CCNJL: variants seen among roughly 807,000 people sequenced by gnomAD.
The protein encoded by CCNJL is cyclin-J-like protein.
A neutral mutation model predicts 33.4 loss-of-function variants in CCNJL; 33 were observed. The observed-to-expected ratio is 0.99, with a 90% CI of 0.75 to 1.32. CCNJL has a LOEUF of 1.32. Ranked by LOEUF, CCNJL falls within the 40% of genes most tolerant of loss-of-function variation. CCNJL has a pLI of 0.00. For missense variants in CCNJL, 512 were observed against 499.7 expected, an observed-to-expected ratio of 1.02 and a Z score of -0.23; for synonymous variants, 227 against 220.9, an observed-to-expected ratio of 1.03 and a Z score of -0.24.
intron 2 of CCNJL, among the ~76,000 whole-genome samples, chr5:160,306,479 G>A (rs779206179): frequency 6.6e-6 from 1 of 152,102 alleles, no homozygotes; most frequent in Non-Finnish European, 1.5e-5. Flanking sequence ...GAAGGAGGGA[G>A]CCCCTAGCCC....
rs1185545915 is a variant in CCNJL, at chr5:160,295,676, C to T, written c.67-14938G>A. On this transcript the variant is annotated intron_variant, in intron 2 of 5. Coordinates refer to ENST00000257536, the MANE Select transcript of CCNJL (RefSeq NM_001308173.3). ...GGAGAAGGCCTTGTGAAGATGGAGG[C>T]AGAAACTGGAATGATGCAGCTACAA... 2.0e-5 allele frequency among the ~76,000 whole-genome samples: 3 copies of T among 151,978 alleles called. 1 individual carries two copies. Among genetic ancestry groups the T allele is most frequent in the Non-Finnish European group, 4.4e-5 (3 of 67,990 alleles).
intron 1 of CCNJL, among the ~76,000 whole-genome samples, chr5:160,320,094 G>A (rs1446507653): frequency 6.6e-6 from 1 of 152,088 alleles, no homozygotes; most frequent in Non-Finnish European, 1.5e-5. Flanking sequence ...GGCCACTTAT[G>A]CTTTTTGGAC....
chr5:160,339,382 C>T (rs1377839137), intron 1 of CCNJL: 22 of 276,724 alleles, frequency 8.0e-5, no homozygotes, highest in Admixed American at 2.8e-4. Context: ...CAAAAAAAAA[C>T]GCCAAAACCC....
At chr5:160,328,764 C>A (rs1204485723) in intron 1 of CCNJL, among the ~76,000 whole-genome samples, 1 of 151,346 alleles carries the variant, frequency 6.6e-6, no homozygotes, top group Non-Finnish European at 1.5e-5. Context: ...CCTGTAGTCC[C>A]AGCTACTCAG....
chr5:160,306,023 C>T (rs1006142782), intron 2 of CCNJL, among the ~76,000 whole-genome samples: 2 of 152,150 alleles, frequency 1.3e-5, no homozygotes, highest in African/African-American at 4.8e-5. Context: ...CCTGTGATCC[C>T]AGCACTCTGA....
chr5:160,282,982 T>TATATAC (rs1762274772), intron 2 of CCNJL, among the ~76,000 whole-genome samples: 1 of 69,588 alleles, frequency 1.4e-5, no homozygotes. Context: ...TATATATATA[T>TATATAC]ATATATATAT....
At chr5:160,327,450 C>A (rs1396056462) in intron 1 of CCNJL, among the ~76,000 whole-genome samples, 3 of 152,210 alleles carry the variant, frequency 2.0e-5, no homozygotes. Context: ...ACTTGGGCCA[C>A]CACTGAGTTC....
chr5:160,327,951 G>C (rs1296444056), intron 1 of CCNJL, among the ~76,000 whole-genome samples: 2 of 152,222 alleles, frequency 1.3e-5, no homozygotes, highest in Non-Finnish European at 2.9e-5. Context: ...CAAAGTGAGT[G>C]ATCAGACACC....
At chr5:160,323,127 C>T (rs913699421) in intron 1 of CCNJL, among the ~76,000 whole-genome samples, 4 of 150,152 alleles carry the variant, frequency 2.7e-5, no homozygotes, top group Admixed American at 2.0e-4. Context: ...CCCAGGTACT[C>T]GGGAGGCCAA....
intron 4 of CCNJL, among the ~76,000 whole-genome samples, chr5:160,257,024 G>GT (rs1431810103): frequency 3.3e-5 from 5 of 151,936 alleles, no homozygotes; most frequent in Non-Finnish European, 1.5e-5. Flanking sequence ...AAAAAATAAA[G>GT]TATCAGTCAG....
At chr5:160,327,792 C>T (rs757275789) in intron 1 of CCNJL, among the ~76,000 whole-genome samples, 1 of 152,232 alleles carries the variant, frequency 6.6e-6, no homozygotes, top group South Asian at 2.1e-4. Flanking sequence ...TTTCTGGCAA[C>T]ATTATCCAAA....
At chr5:160,281,524 T>C (rs1762214177) in intron 2 of CCNJL, 1 of 152,356 alleles carries the variant, frequency 6.6e-6, no homozygotes, top group Non-Finnish European at 1.5e-5. Context: ...TTTATTTGTC[T>C]AACTCAAGAA....
chr5:160,285,820 A>C (rs1338530612), intron 2 of CCNJL, among the ~76,000 whole-genome samples: 1 of 152,202 alleles, frequency 6.6e-6, no homozygotes, highest in Non-Finnish European at 1.5e-5. Context: ...AAGGGATTAG[A>C]GCAGATCATT....
At chr5:160,324,236 A>G (rs760002102) in intron 1 of CCNJL, among the ~76,000 whole-genome samples, 3 of 152,218 alleles carry the variant, frequency 2.0e-5, no homozygotes, top group Non-Finnish European at 2.9e-5. Flanking sequence ...CCTCATCAAC[A>G]ATGTTAAAAA....
At chr5:160,275,076 G>C (rs1044701633) in intron 3 of CCNJL, among the ~76,000 whole-genome samples, 1 of 149,778 alleles carries the variant, frequency 6.7e-6, no homozygotes, top group Non-Finnish European at 1.5e-5. Flanking sequence ...GGTTTGGAAG[G>C]ATTTGTGTGT....
intron 2 of CCNJL, among the ~76,000 whole-genome samples, chr5:160,289,992 GA>G (rs1351648875): frequency 2.6e-5 from 4 of 152,212 alleles, no homozygotes; most frequent in Non-Finnish European, 4.4e-5. Flanking sequence ...CATAGCCGGG[GA>G]GGGGGAGGAA....
intron 3 of CCNJL, among the ~76,000 whole-genome samples, chr5:160,271,728 T>A (rs555264082): frequency 1.3e-5 from 2 of 152,256 alleles, no homozygotes; most frequent in Non-Finnish European, 2.9e-5. Flanking sequence ...ATTGATGTCA[T>A]GGCAGTGTTT....
intron 3 of CCNJL, among the ~76,000 whole-genome samples, chr5:160,260,877 C>A (rs530908457): frequency 1.3e-5 from 2 of 152,192 alleles, no homozygotes; most frequent in South Asian, 4.1e-4. Context: ...CACACCAGCC[C>A]CCTGTACTGT....
chr5:160,283,003 A>ATATATG (rs1762285556), intron 2 of CCNJL, among the ~76,000 whole-genome samples: 3 of 58,204 alleles, frequency 5.2e-5, no homozygotes, highest in Non-Finnish European at 9.3e-5. Context: ...ATATATATAT[A>ATATATG]TATATACATA....
Sources: gnomAD v4.1 joint callset for allele counts (sites outside exome capture counted in the v4.1 genomes callset) on GRCh38, gnomAD v4.1.1 for gene constraint, MANE v1.5 for transcripts, NCBI Gene and HGNC (gene_info 2026-07-23, HGNC 2026-07-21) for gene names.